Variants in CYP7B1 observed in about 807,000 individuals in gnomAD.
CYP7B1 encodes the protein cytochrome P450 7B1.
Under a neutral mutation model 42.7 loss-of-function variants are expected in CYP7B1, and 29 were observed. That is an observed-to-expected ratio of 0.68 (90% CI 0.51 to 0.93). The LOEUF (loss-of-function observed/expected upper bound fraction) is 0.93. Ranked by LOEUF, CYP7B1 falls within the 40% of genes least tolerant of loss-of-function variation. CYP7B1 has a pLI of 0.00. For synonymous variants in CYP7B1, 235 were observed against 218.2 expected (o/e 1.08, Z -0.68); for missense variants, 655 against 600.5 (o/e 1.09, Z -0.95).
At chr8:64,638,462 A>G (rs1208248627) in intron 1 of CYP7B1, among the ~76,000 whole-genome samples, 1 of 152,222 alleles carries the variant, frequency 6.6e-6, no homozygotes, top group Non-Finnish European at 1.5e-5. Context: ...AAGAGTTAAC[A>G]TTAACCAATT....
intron 1 of CYP7B1, among the ~76,000 whole-genome samples, chr8:64,780,555 A>G (rs879314408): frequency 1.9e-4 from 29 of 152,228 alleles, no homozygotes; most frequent in Admixed American, 1.6e-3. Flanking sequence ...ATACTTCTAC[A>G]TTGAAAAAAA....
At chr8:64,714,154 T>C (rs1253531559) in intron 1 of CYP7B1, among the ~76,000 whole-genome samples, 1 of 152,212 alleles carries the variant, frequency 6.6e-6, no homozygotes, top group African/African-American at 2.4e-5. Flanking sequence ...CCATGCTATA[T>C]GGCCTCTGTA....
At chr8:64,656,541 G>A (rs1486293179) in intron 1 of CYP7B1, among the ~76,000 whole-genome samples, 2 of 152,218 alleles carry the variant, frequency 1.3e-5, no homozygotes, top group African/African-American at 2.4e-5. Flanking sequence ...TGAAGAACAA[G>A]CATTGTGGCC....
intron 1 of CYP7B1, among the ~76,000 whole-genome samples, chr8:64,736,895 TAGTAATACTTGAGGC>T (rs1490769690): frequency 6.6e-6 from 1 of 152,188 alleles, no homozygotes; most frequent in Non-Finnish European, 1.5e-5. Context: ...AATTTTTACC[TAGTAATACTTGAGGC>T]TGAACTGTAA....
intron 1 of CYP7B1, among the ~76,000 whole-genome samples, chr8:64,640,072 T>C (rs75660960): frequency 7.5e-4 from 114 of 152,260 alleles, no homozygotes; most frequent in South Asian, 1.7e-3. Flanking sequence ...ATTCCATTTA[T>C]ATGAAATTTT....
intron 2 of CYP7B1, among the ~76,000 whole-genome samples, chr8:64,618,508 A>G (rs941483016): frequency 6.6e-6 from 1 of 152,042 alleles, no homozygotes. Context: ...ACTGAAGTAG[A>G]GGCTGTACAC....
intron 1 of CYP7B1, among the ~76,000 whole-genome samples, chr8:64,728,584 A>G (rs1563407146): frequency 1.3e-5 from 2 of 152,216 alleles, no homozygotes; most frequent in African/African-American, 4.8e-5. Context: ...TTGTTGAGTA[A>G]AAGAAAAGCA....
At chr8:64,674,587 G>T (rs1273614320) in intron 1 of CYP7B1, among the ~76,000 whole-genome samples, 1 of 152,006 alleles carries the variant, frequency 6.6e-6, no homozygotes, top group African/African-American at 2.4e-5. Context: ...TCACCTTGTG[G>T]TTATTACATG....
intron 1 of CYP7B1, among the ~76,000 whole-genome samples, chr8:64,698,357 G>A (rs373029191): frequency 3.3e-5 from 5 of 151,978 alleles, no homozygotes; most frequent in African/African-American, 7.2e-5. Flanking sequence ...ACTAAACTAC[G>A]GAATTCTTTC....
intron 1 of CYP7B1, among the ~76,000 whole-genome samples, chr8:64,728,659 T>C (rs1410903564): frequency 6.6e-6 from 1 of 152,226 alleles, no homozygotes; most frequent in Non-Finnish European, 1.5e-5. Flanking sequence ...AAATGTTCAG[T>C]AAATGTTGGT....
Position 64,798,599 on chromosome 8 carries a change from T to C in CYP7B1, c.-12A>G, listed in dbSNP as rs1332505047. 6 of 1,451,292 alleles carry C rather than the reference T, an allele frequency of 4.1e-6. No homozygotes were observed. The highest frequency in any genetic ancestry group is 5.4e-6 in the Non-Finnish European group (6 of 1,111,324). 89.9% of individuals were successfully genotyped at this position (1,451,292 alleles called of 1,614,324 possible). A position where few individuals can be genotyped will look rare whatever the true frequency, so the allele number is the denominator to read the frequency against. On this transcript the variant is annotated 5_prime_UTR_variant, in exon 1 of 6. Coordinates refer to ENST00000310193, the MANE Select transcript of CYP7B1 (RefSeq NM_004820.5). ...ACTTCTCCTGCCATCCGGCGCGCGC[T>C]AGGCCGCGGTGGGCAGCCCGGGGTC...
Position 64,616,272 on chromosome 8 carries a change from A to G in CYP7B1, c.269T>C (p.Ile90Thr), listed in dbSNP as rs1204700070. Reference sequence around the variant, plus strand: ...CTGGAAGGGGTCCAGGATAAATGTTATGTACTTTCCTAGAAAAAAAAAAAG... The same window carrying G: ...CTGGAAGGGGTCCAGGATAAATGTTGTGTACTTTCCTAGAAAAAAAAAAAG... ...TFTVLLGGKY[I>T]TFILDPFQYQ... Residue 90 changes from isoleucine (I) to threonine (T), a missense_variant, in exon 3 of 6, where the codon ATA (isoleucine) becomes ACA (threonine). Transcript: ENST00000310193. 6.3e-7 allele frequency: 1 copy of G among 1,580,590 alleles called. No homozygotes were observed. Among genetic ancestry groups the G allele is most frequent in the South Asian group, 1.1e-5 (1 of 87,906 alleles).
chr8:64,649,891 C>A (rs1046626865), intron 1 of CYP7B1, among the ~76,000 whole-genome samples: 1 of 152,084 alleles, frequency 6.6e-6, no homozygotes, highest in Non-Finnish European at 1.5e-5. Context: ...GTTCTTTGAT[C>A]ATTTTTAATT....
At chr8:64,787,224 T>C (rs949533275) in intron 1 of CYP7B1, among the ~76,000 whole-genome samples, 5 of 145,920 alleles carry the variant, frequency 3.4e-5, no homozygotes, top group Non-Finnish European at 7.5e-5. Flanking sequence ...GTGGCAGGCT[T>C]GAGTTTCTCT....
chr8:64,719,360 C>T (rs1160476823), intron 1 of CYP7B1, among the ~76,000 whole-genome samples: 2 of 152,066 alleles, frequency 1.3e-5, no homozygotes, highest in African/African-American at 4.8e-5. Context: ...GTGAGTGCAG[C>T]GATTCATGTA....
intron 1 of CYP7B1, among the ~76,000 whole-genome samples, chr8:64,688,871 A>G (rs1444598872): frequency 6.6e-6 from 1 of 152,216 alleles, no homozygotes; most frequent in Non-Finnish European, 1.5e-5. Context: ...GGCTGCAATG[A>G]GTTATGATTG....
At chr8:64,747,758 T>C (rs1807666436) in intron 1 of CYP7B1, among the ~76,000 whole-genome samples, 1 of 152,122 alleles carries the variant, frequency 6.6e-6, no homozygotes, top group South Asian at 2.1e-4. Context: ...TGTATTTCAT[T>C]GGGCTCTTGG....
At position 64,615,998 on chromosome 8, in the gene CYP7B1, A is replaced by G. The variant is rs367723235; in HGVS notation, c.543T>C (p.Tyr181=). The change falls in exon 3 of 6, where the codon TAT becomes TAC. Residue 181 remains tyrosine (Y), a synonymous_variant. Coordinates refer to ENST00000310193, the MANE Select transcript of CYP7B1 (RefSeq NM_004820.5). The part of the protein sequence containing the change: ...KTTSWDTAEL[Y]PFCSSIIFEI... ...CAAATATTATTGAGCTGCAGAATGG[A>G]TACAGTTCTGCCGTGTCCCAACTTG... 123 of 1,613,664 alleles carry G rather than the reference A, an allele frequency of 7.6e-5. No individual in the cohort carries two copies. Among genetic ancestry groups the G allele is most frequent in the Middle Eastern group, 4.9e-4 (3 of 6,080 alleles).
At chr8:64,673,093 C>G (rs1016022075) in intron 1 of CYP7B1, among the ~76,000 whole-genome samples, 2 of 152,090 alleles carry the variant, frequency 1.3e-5, no homozygotes, top group Non-Finnish European at 2.9e-5. Flanking sequence ...CTTGTCTCCC[C>G]CTTTGCTCTA....
Sources: allele counts gnomAD v4.1 joint callset (sites outside exome capture counted in the v4.1 genomes callset), GRCh38; gene constraint gnomAD v4.1.1; transcripts MANE v1.5; gene names NCBI Gene and HGNC (gene_info 2026-07-23, HGNC 2026-07-21).